The following CARMIL3 variants were observed in gnomAD, a reference collection of about 807,000 sequenced individuals.
CARMIL3 encodes capping protein, Arp2/3 and myosin-I linker protein 3.
CARMIL3 carries 88 observed loss-of-function variants against 180.8 expected under a neutral mutation model. The ratio of observed to expected loss-of-function variants is 0.49; its 90% confidence interval spans 0.41 to 0.58. CARMIL3 has a LOEUF of 0.58. Ranked by LOEUF, CARMIL3 falls within the 20% of genes least tolerant of loss-of-function variation. CARMIL3 has a pLI of 0.00. For synonymous variants in CARMIL3, 696 were observed against 714.5 expected (o/e 0.97, Z 0.41); for missense variants, 1,548 against 1,787.0 (o/e 0.87, Z 2.41).
At position 24,064,282 on chromosome 14, in the gene CARMIL3, G is replaced by A. The variant is rs781291559; in HGVS notation, c.3016G>A (p.Ala1006Thr). The change falls in exon 32 of 40, where the codon GCC becomes ACC. Residue 1006 changes from alanine to threonine, a missense_variant. Physicochemically the swap from Ala to Thr is moderately conservative, Grantham distance 58. Around this residue, in one of 4 missense-constraint regions of CARMIL3, gnomAD observed 668 missense variants for 687.8 expected, o/e 0.97. Coordinates refer to ENST00000342740, the MANE Select transcript of CARMIL3 (RefSeq NM_138360.4). ...APGTRQENGM[A>T]TRLDEGLEDF... ...TGGGACTCGTCAGGAGAATGGGATG[G>A]CCACCCGCCTGGATGAAGGGCTGGA... 1.3e-5 allele frequency: 21 copies of A among 1,612,744 alleles called. No homozygotes were observed. Among genetic ancestry groups the A allele is most frequent in the Non-Finnish European group, 1.6e-5 (19 of 1,179,522 alleles).
At chr14:24,057,720 G>A (rs1235235043) in intron 14 of CARMIL3, 83 bp from the exon 15 acceptor site, 20 of 1,208,902 alleles carry the variant, frequency 1.7e-5, no homozygotes, top group East Asian at 1.3e-4. Flanking sequence ...CAGGAACCTC[G>A]ATGGGGAGGG....
Position 24,054,287 on chromosome 14 carries a change from C to T in CARMIL3, c.232C>T (p.Leu78Phe). ...CCTGGAGATCCGTGCCTTCAACACG[C>T]TCAGTCAGAATCAGGTGAGTACCAG... The part of the protein sequence containing the change: ...NVLEIRAFNT[L>F]SQNQILVETE... The change falls in exon 4 of 40, where the codon CTC (leucine) becomes TTC (phenylalanine). Residue 78 changes from leucine (L) to phenylalanine (F), a missense_variant. By Grantham distance (22) the Leu-to-Phe change is conservative. Coordinates refer to ENST00000342740, the MANE Select transcript of CARMIL3 (RefSeq NM_138360.4). This position sits in a 1 kb window ranked among gnomAD's most constrained non-coding sequence, Gnocchi z 5.1. 1.2e-6 allele frequency: 2 copies of T among 1,614,234 alleles called. No individual in the cohort carries two copies. Among genetic ancestry groups the T allele is most frequent in the East Asian group, 2.2e-5 (1 of 44,886 alleles).
At chr14:24,052,307 C>T (rs1157044134) in intron 1 of CARMIL3, 114 bp downstream of exon 1, 3 of 1,080,306 alleles carry the variant, frequency 2.8e-6, no homozygotes, top group East Asian at 6.4e-5. Flanking sequence ...CCCCATGCAT[C>T]CTGGCTCCAA....
rs199544499 is a variant in CARMIL3, at chr14:24,068,573, C to T, written c.3683-11C>T. ...CCTTTTCCTGCAGCTTCTCCTCTCT[C>T]TCATCCCCAGCTGAAGAGAGTGCCC... On this transcript the variant is annotated splice_polypyrimidine_tract_variant and intron_variant, in intron 36 of 39. Transcript: ENST00000342740. 4.1e-5 allele frequency: 66 copies of T among 1,598,554 alleles called. No individual in the cohort carries two copies. The highest frequency in any genetic ancestry group is 5.1e-5 in the Non-Finnish European group (60 of 1,169,972).
At position 24,061,115 on chromosome 14, in the gene CARMIL3, C is replaced by A; in HGVS notation, c.2304+75C>A. On this transcript the variant is annotated intron_variant, in intron 26 of 39. Coordinates refer to ENST00000342740, the MANE Select transcript of CARMIL3 (RefSeq NM_138360.4). The surrounding 1 kb of genome is among the most constrained non-coding windows in gnomAD (Gnocchi z 4.1). Reference sequence around the variant, plus strand: ...GAGGCCCTAAGCCCAGAGCTAAAGTCAGAGCTGGGAGACTTCTGGAGGGCC... The same window carrying A: ...GAGGCCCTAAGCCCAGAGCTAAAGTAAGAGCTGGGAGACTTCTGGAGGGCC... 1 of 1,356,218 alleles carries A rather than the reference C, an allele frequency of 7.4e-7. No homozygotes were observed. The highest frequency in any genetic ancestry group is 1.0e-6 in the Non-Finnish European group (1 of 976,638). 84.0% of individuals were successfully genotyped at this position (1,356,218 alleles called of 1,614,324 possible). A position where few individuals can be genotyped will look rare whatever the true frequency, so the allele number is the denominator to read the frequency against.
In CARMIL3 at chr14:24,054,970, G is replaced by A; in HGVS notation, c.461-96G>A. On this transcript the variant is annotated intron_variant, in intron 6 of 39. Transcript: ENST00000342740. This position sits in a 1 kb window ranked among gnomAD's most constrained non-coding sequence, Gnocchi z 5.1. ...GTTCATGGCATAGCAAGAACCAAGAGCACTGGCACATAAAGTGACCTTGAC... is the reference window on the plus strand; with the variant it reads ...GTTCATGGCATAGCAAGAACCAAGAACACTGGCACATAAAGTGACCTTGAC... The A allele has an allele frequency of 6.9e-7, 1 of 1,449,704 alleles. No homozygotes were observed. Among genetic ancestry groups the A allele is most frequent in the Non-Finnish European group, 9.6e-7 (1 of 1,040,716 alleles). 89.8% of individuals were successfully genotyped at this position (1,449,704 alleles called of 1,614,324 possible).
Position 24,058,328 on chromosome 14 carries a change from C to A in CARMIL3, c.1392+104C>A. On this transcript the variant is annotated intron_variant, in intron 17 of 39. Coordinates refer to ENST00000342740, the MANE Select transcript of CARMIL3 (RefSeq NM_138360.4). The surrounding 1 kb of genome is among the most constrained non-coding windows in gnomAD (Gnocchi z 6.4). The stretch of plus-strand genomic sequence containing the variant: ...ATCTAGCCTCTGTGCTGACCCTCTG[C>A]GACCCCCTGACCTGGCCACACCACC... 1 of 1,296,066 alleles carries A rather than the reference C, an allele frequency of 7.7e-7. No homozygotes were observed. The highest frequency in any genetic ancestry group is 1.1e-6 in the Non-Finnish European group (1 of 931,404). The allele number at this position is 1,296,066 out of a possible 1,614,324, so 80.3% of individuals were successfully genotyped here.
chr14:24,061,444 C>T lies in CARMIL3; in HGVS notation c.2305-53C>T. Reference sequence around the variant, plus strand: ...GATAAAGTCTCTTCTGCTGTGGTGCCAGCCCTGATCCTGTCCCCCTTGGGC... The same window carrying T: ...GATAAAGTCTCTTCTGCTGTGGTGCTAGCCCTGATCCTGTCCCCCTTGGGC... On this transcript the variant is annotated intron_variant, in intron 26 of 39. Coordinates refer to ENST00000342740, the MANE Select transcript of CARMIL3 (RefSeq NM_138360.4). This position sits in a 1 kb window ranked among gnomAD's most constrained non-coding sequence, Gnocchi z 4.1. 1.3e-6 allele frequency: 2 copies of T among 1,561,630 alleles called. No homozygotes were observed. The highest frequency in any genetic ancestry group is 1.7e-6 in the Non-Finnish European group (2 of 1,147,214).
intron 1 of CARMIL3, among the ~76,000 whole-genome samples, chr14:24,052,429 T>C (rs901056704): frequency 2.0e-5 from 3 of 152,060 alleles, no homozygotes; most frequent in Non-Finnish European, 4.4e-5. Flanking sequence ...GTCCCGCCCT[T>C]CGGTGACAGG....
In CARMIL3 at chr14:24,056,661, C is replaced by G. The variant is rs776160641; in HGVS notation, c.905C>G (p.Ser302Cys). Reference sequence around the variant, plus strand: ...AGCCAGCAGCTCCTCTGCTTCCCCTCTGGCCTCACCAAACTGTGCCTGGCC... The same window carrying G: ...AGCCAGCAGCTCCTCTGCTTCCCCTGTGGCCTCACCAAACTGTGCCTGGCC... ...SLSQQLLCFP[S>C]GLTKLCLAKT... Residue 302 changes from serine to cysteine, a missense_variant, in exon 12 of 40, where the codon TCT becomes TGT. By Grantham distance (112) the Ser-to-Cys change is moderately radical. Transcript: ENST00000342740. The G allele has an allele frequency of 6.2e-7, 1 of 1,613,894 alleles. No individual in the cohort carries two copies. Among genetic ancestry groups the G allele is most frequent in the East Asian group, 2.2e-5 (1 of 44,884 alleles).
In CARMIL3 at chr14:24,055,724, G is replaced by A. The variant is rs1443923111; in HGVS notation, c.705G>A (p.Val235=). The change falls in exon 10 of 40, where the codon GTG becomes GTA. Residue 235 remains valine (V), a synonymous_variant. Coordinates refer to ENST00000342740, the MANE Select transcript of CARMIL3 (RefSeq NM_138360.4). The part of the protein sequence containing the change: ...LRLGSEVLEQ[V]LHTLSKSGSL... ...AGGGCTCTGAAGTGCTAGAACAGGT[G>A]CTACATACCCTAAGCAAGTCGGGGA... 6.2e-7 allele frequency: 1 copy of A among 1,614,146 alleles called. No individual in the cohort carries two copies. The highest frequency in any genetic ancestry group is 2.2e-5 in the East Asian group (1 of 44,880).
rs747321280 is a variant in CARMIL3, at chr14:24,057,238, C to T, written c.1134C>T (p.Ile378=). 16 of 1,613,650 alleles carry T rather than the reference C, an allele frequency of 9.9e-6. No homozygotes were observed. Among genetic ancestry groups the T allele is most frequent in the East Asian group, 4.5e-5 (2 of 44,890 alleles). The change falls in exon 14 of 40, where the codon ATC becomes ATT. Residue 378 remains isoleucine (I), a synonymous_variant. Transcript: ENST00000342740. The part of the protein sequence containing the change: ...HLDLSGTDCV[I]DLLLGALLHG... ...ACCTGTCAGGAACTGACTGCGTCAT[C>T]GACTTGGTGAGGAGTTGGTGATGGG...
In CARMIL3 at chr14:24,058,980, A is replaced by G. The variant is rs768750953; in HGVS notation, c.1565A>G (p.Lys522Arg). ...HLFLGKNFNV[K>R]AKTLEEILHK... is the part of the protein sequence containing the mutation. ...TTTTTGGGCAAGAACTTCAATGTCAAGGCCAAGTGAGGCCCCCTTTCCATG... is the reference window on the plus strand; with the variant it reads ...TTTTTGGGCAAGAACTTCAATGTCAGGGCCAAGTGAGGCCCCCTTTCCATG... The change falls in exon 19 of 40, where the codon AAG becomes AGG. Residue 522 changes from lysine (K) to arginine (R), a missense_variant. By Grantham distance (26) the Lys-to-Arg change is conservative (BLOSUM62 2). Transcript: ENST00000342740. The surrounding 1 kb of genome is among the most constrained non-coding windows in gnomAD (Gnocchi z 6.4). The G allele has an allele frequency of 2.5e-6, 4 of 1,614,144 alleles. No homozygotes were observed. The South Asian group carries it at 4.4e-5, about 18-fold the overall frequency.
In CARMIL3 at chr14:24,058,063, A is replaced by G; in HGVS notation, c.1321A>G (p.Arg441Gly). ...CACAAAGCTGCCCCTGGAGGCCCTCAGGTCGGGTGGGTGCAGGGTTGGGGG... is the reference window on the plus strand; with the variant it reads ...CACAAAGCTGCCCCTGGAGGCCCTCGGGTCGGGTGGGTGCAGGGTTGGGGG... ...SATKLPLEALRALLQGLSLNS... is the reference protein window; with the variant it reads ...SATKLPLEALGALLQGLSLNS... Residue 441 changes from arginine to glycine, a missense_variant and splice_region_variant, in exon 16 of 40, where the codon AGG becomes GGG. By Grantham distance (125) the Arg-to-Gly change is moderately radical. Coordinates refer to ENST00000342740, the MANE Select transcript of CARMIL3 (RefSeq NM_138360.4). The surrounding 1 kb of genome is among the most constrained non-coding windows in gnomAD (Gnocchi z 6.4). 6.2e-7 allele frequency: 1 copy of G among 1,613,800 alleles called. No individual in the cohort carries two copies. Among genetic ancestry groups the G allele is most frequent in the Non-Finnish European group, 8.5e-7 (1 of 1,180,010 alleles).
intron 1 of CARMIL3, 129 bp downstream of exon 1, chr14:24,052,322 G>GCC (rs1302394422): frequency 1.6e-4 from 148 of 901,600 alleles, no homozygotes; most frequent in South Asian, 3.9e-5. Context: ...CTCCAAGGCA[G>GCC]CCCCTGCATT....
intron 27 of CARMIL3, chr14:24,062,183 G>T (rs745556243): frequency 1.9e-4 from 96 of 517,670 alleles, no homozygotes; most frequent in Non-Finnish European, 3.0e-4. Flanking sequence ...CAATTACCTA[G>T]CTCTGTTCCA....
chr14:24,056,250 G>A (rs1476349053), intron 10 of CARMIL3, 49 bp from the exon 11 acceptor site: 4 of 1,495,902 alleles, frequency 2.7e-6, no homozygotes, highest in African/African-American at 2.7e-5. Flanking sequence ...CCCAGAGGCT[G>A]GGACCTGGGG....
chr14:24,057,133 C>T (rs1357415363), intron 13 of CARMIL3, 34 bp from the exon 14 acceptor site: 1 of 1,608,902 alleles, frequency 6.2e-7, no homozygotes, highest in Non-Finnish European at 8.5e-7. Context: ...TCCATCATCC[C>T]TTCCCCTGCA....
At chr14:24,063,599 C>T (rs2035755772) in intron 31 of CARMIL3, 66 bp downstream of exon 31, 2 of 1,468,390 alleles carry the variant, frequency 1.4e-6, no homozygotes, top group African/African-American at 2.8e-5. Context: ...GGAGTTTTAC[C>T]TTTAGGACCC....
Sources: gnomAD v4.1 joint callset for allele counts (sites outside exome capture counted in the v4.1 genomes callset) on GRCh38, gnomAD v4.1.1 for gene constraint, gnomAD v4.1.1 regional missense constraint, Gnocchi (gnomAD v3.1) non-coding constraint, MANE v1.5 for transcripts, NCBI Gene and HGNC (gene_info 2026-07-23, HGNC 2026-07-21) for gene names.